The following GCSAML variants were observed in gnomAD, a reference collection of about 807,000 sequenced individuals.
The protein encoded by GCSAML is germinal center-associated signaling and motility-like protein.
Under a neutral mutation model 13.0 loss-of-function variants are expected in GCSAML, and 9 were observed. The ratio of observed to expected loss-of-function variants is 0.69; its 90% confidence interval spans 0.42 to 1.21. The LOEUF is 1.21. Ranked by LOEUF, GCSAML falls within the 50% of genes most tolerant of loss-of-function variation. The probability of loss-of-function intolerance (pLI) is 0.00; values close to 1 mark genes in which losing one functional copy is unlikely to be tolerated. For missense variants in GCSAML, 143 were observed against 153.4 expected (o/e 0.93, Z 0.36); for synonymous variants, 37 against 52.9 (o/e 0.70, Z 1.31).
upstream of GCSAML, chr1:247,548,963 C>T (rs556927854): frequency 8.1e-5 from 82 of 1,014,810 alleles, 1 homozygote; most frequent in East Asian, 7.3e-4. This position sits in a 1 kb window ranked among gnomAD's most constrained non-coding sequence, Gnocchi z 5.3. Flanking sequence ...TGTGTGTGTG[C>T]GTGCAGGCAC....
At position 247,577,249 on chromosome 1, in the gene GCSAML, C is replaced by A. The variant is rs1317288785; in HGVS notation, c.*2867C>A. 6.6e-6 allele frequency: 1 copy of A among 152,092 alleles called. No individual in the cohort carries two copies. The highest frequency in any genetic ancestry group is 1.5e-5 in the Non-Finnish European group (1 of 68,026). 9.4% of individuals were successfully genotyped at this position (152,092 alleles called of 1,614,324 possible). A position where few individuals can be genotyped will look rare whatever the true frequency, so the allele number is the denominator to read the frequency against. ...AGTTTTACTCAAGTGTGATTATATA[C>A]AAGAAAATGTAACCACTGTAAGGGT... On this transcript the variant is annotated 3_prime_UTR_variant, in exon 5 of 5. Coordinates refer to ENST00000366488, the MANE Select transcript of GCSAML (RefSeq NM_145278.5).
Position 247,563,199 on chromosome 1 carries a change from A to G in GCSAML, c.90-391A>G, listed in dbSNP as rs1668205212. ...TAAGGTTTTAGTTAGAATTCGTAAGACCCTCTCATTTGTCTTTAAGGATTT... is the reference window on the plus strand; with the variant it reads ...TAAGGTTTTAGTTAGAATTCGTAAGGCCCTCTCATTTGTCTTTAAGGATTT... On this transcript the variant is annotated intron_variant, in intron 2 of 4. Transcript: ENST00000366488. Among the ~76,000 whole-genome samples the G allele has an allele frequency of 2.6e-5, 4 of 151,940 alleles. No homozygotes were observed. The South Asian group carries it at 8.3e-4, about 32-fold the overall frequency.
intron 1 of GCSAML, among the ~76,000 whole-genome samples, chr1:247,555,142 A>G (rs903975158): frequency 2.2e-5 from 3 of 137,818 alleles, no homozygotes; most frequent in Non-Finnish European, 4.5e-5. Context: ...GTCCCTACTG[A>G]TGTTAAATAC....
At chr1:247,550,507 G>A (rs561592421) in intron 1 of GCSAML, among the ~76,000 whole-genome samples, 1 of 152,026 alleles carries the variant, frequency 6.6e-6, no homozygotes, top group East Asian at 1.9e-4. Context: ...CGTGGTGGTG[G>A]GCACCTGTAA....
intron 2 of GCSAML, among the ~76,000 whole-genome samples, chr1:247,537,144 G>A (rs1172194194): frequency 2.6e-5 from 4 of 152,086 alleles, no homozygotes; most frequent in Admixed American, 2.6e-4. Context: ...GCTCTCCCTA[G>A]CCCTGCCAGC....
chr1:247,574,527 C>T lies in GCSAML; in HGVS notation c.*145C>T. 1 of 831,562 alleles carries T rather than the reference C, an allele frequency of 1.2e-6. No individual in the cohort carries two copies. Among genetic ancestry groups the T allele is most frequent in the Non-Finnish European group, 1.8e-6 (1 of 544,966 alleles). 51.5% of individuals were successfully genotyped at this position (831,562 alleles called of 1,614,324 possible). A position where few individuals can be genotyped will look rare whatever the true frequency, so the allele number is the denominator to read the frequency against. On this transcript the variant is annotated 3_prime_UTR_variant, in exon 5 of 5. Transcript: ENST00000366488. ...TATTATCTTATTATATATCCTTAGG[C>T]AACTCTGATATGTGGCATCTCTGTG...
At chr1:247,532,089 A>G in intron 2 of GCSAML, 2 of 1,614,108 alleles carry the variant, frequency 1.2e-6, no homozygotes, top group Non-Finnish European at 1.7e-6. Flanking sequence ...GCCCAAGGCA[A>G]AGCTGTGGAT....
chr1:247,557,080 C>T (rs566971280), intron 2 of GCSAML, among the ~76,000 whole-genome samples: 1 of 152,284 alleles, frequency 6.6e-6, no homozygotes, highest in South Asian at 2.1e-4. Flanking sequence ...TCCATATTTG[C>T]ATTTGGACTG....
chr1:247,574,413 A>G lies in GCSAML; in HGVS notation c.*31A>G. Reference sequence around the variant, plus strand: ...TCAAGCTGCTTTATCACCTTCCAGCAATGAAGACAATGCAGAATAGCAGAC... The same window carrying G: ...TCAAGCTGCTTTATCACCTTCCAGCGATGAAGACAATGCAGAATAGCAGAC... On this transcript the variant is annotated 3_prime_UTR_variant, in exon 5 of 5. Coordinates refer to ENST00000366488, the MANE Select transcript of GCSAML (RefSeq NM_145278.5). 6.2e-7 allele frequency: 1 copy of G among 1,609,178 alleles called. No homozygotes were observed.
intron 1 of GCSAML, among the ~76,000 whole-genome samples, chr1:247,512,813 C>T (rs1429660350): frequency 6.6e-6 from 1 of 152,136 alleles, no homozygotes; most frequent in African/African-American, 2.4e-5. Flanking sequence ...CGCTCGAGAT[C>T]CTGTTTGCCT....
upstream of GCSAML, among the ~76,000 whole-genome samples, chr1:247,547,164 GTTAT>G (rs1667614587): frequency 6.6e-6 from 1 of 152,000 alleles, no homozygotes; most frequent in African/African-American, 2.4e-5. Context: ...AGGATTCTGG[GTTAT>G]TTAAATATTT....
intron 2 of GCSAML, among the ~76,000 whole-genome samples, chr1:247,543,118 C>G (rs142753961): frequency 3.3e-5 from 5 of 152,306 alleles, no homozygotes; most frequent in African/African-American, 9.6e-5. Context: ...CCCTTGAAAA[C>G]AAGGCTAAAG....
chr1:247,524,212 A>C (rs554141529), intron 1 of GCSAML, among the ~76,000 whole-genome samples: 1 of 152,302 alleles, frequency 6.6e-6, no homozygotes, highest in East Asian at 1.9e-4. Flanking sequence ...TAGGGTCTCT[A>C]AGACATTTAT....
chr1:247,507,734 C>T (rs1187353110), intron 1 of GCSAML, among the ~76,000 whole-genome samples: 1 of 152,120 alleles, frequency 6.6e-6, no homozygotes, highest in Non-Finnish European at 1.5e-5. Context: ...CATGTGTTCT[C>T]AACGTTCACT....
upstream of GCSAML, among the ~76,000 whole-genome samples, chr1:247,547,669 TCAGAGA>T (rs1667626854): frequency 6.6e-6 from 1 of 152,216 alleles, no homozygotes; most frequent in South Asian, 2.1e-4. Context: ...TAATAAGTTC[TCAGAGA>T]TGCCGGTGTT....
upstream of GCSAML, chr1:247,549,097 G>C: frequency 6.2e-7 from 1 of 1,612,550 alleles, no homozygotes; most frequent in Non-Finnish European, 8.5e-7. Flanking sequence ...CAGATGCAAC[G>C]TCCTGCCTCA....
At chr1:247,540,951 T>A (rs934639390) in intron 2 of GCSAML, among the ~76,000 whole-genome samples, 1 of 152,230 alleles carries the variant, frequency 6.6e-6, no homozygotes. Flanking sequence ...TTATATGTTC[T>A]CTATTTCTGT....
At chr1:247,573,018 C>G (rs1572383598) in intron 4 of GCSAML, among the ~76,000 whole-genome samples, 2 of 152,190 alleles carry the variant, frequency 1.3e-5, no homozygotes, top group East Asian at 3.9e-4. Flanking sequence ...GATGCCCCTT[C>G]CCCCACCAAG....
intron 1 of GCSAML, among the ~76,000 whole-genome samples, chr1:247,549,690 G>A (rs1427181907): frequency 1.3e-5 from 2 of 151,758 alleles, no homozygotes; most frequent in East Asian, 1.9e-4. Flanking sequence ...CATCAGCTTC[G>A]TGGGTTGGTA....
Sources: allele counts gnomAD v4.1 joint callset (sites outside exome capture counted in the v4.1 genomes callset), GRCh38; gene constraint gnomAD v4.1.1; non-coding constraint Gnocchi (gnomAD v3.1); transcripts MANE v1.5; gene names NCBI Gene and HGNC (gene_info 2026-07-23, HGNC 2026-07-21).